Variants in MSRA observed in about 807,000 individuals in gnomAD.
MSRA encodes the protein mitochondrial peptide methionine sulfoxide reductase.
In MSRA, 54 loss-of-function variants were observed where a neutral mutation model predicts 31.3. That is an observed-to-expected ratio of 1.73 (90% CI 1.39 to 2.17). The LOEUF is 2.17. MSRA is among the 30% of genes most tolerant of loss of function. MSRA has a pLI of 0.00. For synonymous variants in MSRA, 169 were observed against 116.5 expected (o/e 1.45, Z -2.90); for missense variants, 507 against 300.9 (o/e 1.69, Z -5.07).
At chr8:10,176,255 C>T (rs986858320) in intron 1 of MSRA, among the ~76,000 whole-genome samples, 10 of 152,212 alleles carry the variant, frequency 6.6e-5, no homozygotes, top group African/African-American at 2.4e-4. Context: ...GTGGAAAAGT[C>T]CTCAAATCTG....
chr8:10,373,302 A>G (rs1051624002), intron 5 of MSRA, among the ~76,000 whole-genome samples: 5 of 152,254 alleles, frequency 3.3e-5, no homozygotes, highest in African/African-American at 1.2e-4. Context: ...CTGAAAGATT[A>G]GGTAAATTGT....
At chr8:10,185,138 C>T (rs557108024) in intron 1 of MSRA, among the ~76,000 whole-genome samples, 1 of 152,204 alleles carries the variant, frequency 6.6e-6, no homozygotes, top group Non-Finnish European at 1.5e-5. Flanking sequence ...CTGCTGATCT[C>T]TCATCTCTGG....
At chr8:10,088,463 G>C (rs1235297606) in intron 1 of MSRA, among the ~76,000 whole-genome samples, 2 of 152,174 alleles carry the variant, frequency 1.3e-5, no homozygotes, top group Non-Finnish European at 2.9e-5. Context: ...GGCCAGGCGT[G>C]GTGGCTCACA....
intron 5 of MSRA, among the ~76,000 whole-genome samples, chr8:10,329,661 T>C (rs923244448): frequency 4.6e-5 from 7 of 152,148 alleles, no homozygotes; most frequent in Non-Finnish European, 1.0e-4. Flanking sequence ...GCCAGTGTCA[T>C]GTGTCCACCC....
At chr8:10,361,022 A>G (rs1484924588) in intron 5 of MSRA, among the ~76,000 whole-genome samples, 1 of 152,198 alleles carries the variant, frequency 6.6e-6, no homozygotes, top group African/African-American at 2.4e-5. Context: ...TCAACCCGAT[A>G]AACAGCCTCA....
intron 2 of MSRA, among the ~76,000 whole-genome samples, chr8:10,238,237 G>A (rs1812118855): frequency 6.6e-6 from 1 of 152,168 alleles, no homozygotes; most frequent in Admixed American, 6.5e-5. Flanking sequence ...GTGCCTCACT[G>A]CCTCCATGGC....
chr8:10,378,624 C>G (rs1173515319), intron 5 of MSRA, among the ~76,000 whole-genome samples: 1 of 152,212 alleles, frequency 6.6e-6, no homozygotes, highest in African/African-American at 2.4e-5. Flanking sequence ...ACATCCCCCT[C>G]AGCAGCTCCG....
chr8:10,357,165 G>A (rs1184725359), intron 5 of MSRA, among the ~76,000 whole-genome samples: 1 of 152,218 alleles, frequency 6.6e-6, no homozygotes, highest in African/African-American at 2.4e-5. Flanking sequence ...CACGTTAACA[G>A]CCAATGATGC....
intron 4 of MSRA, among the ~76,000 whole-genome samples, chr8:10,316,574 C>CTCTCTCTCT (rs1801738833): frequency 7.9e-6 from 1 of 126,978 alleles, no homozygotes. Context: ...CTCTCTCTCT[C>CTCTCTCTCT]CTTCCTCCTC....
intron 1 of MSRA, among the ~76,000 whole-genome samples, chr8:10,192,103 C>T (rs1807560523): frequency 1.3e-5 from 2 of 152,124 alleles, no homozygotes; most frequent in African/African-American, 4.8e-5. Flanking sequence ...AGCTGGTTTC[C>T]CCCACAGCAA....
At chr8:10,172,682 C>T (rs1372051099) in intron 1 of MSRA, among the ~76,000 whole-genome samples, 2 of 152,232 alleles carry the variant, frequency 1.3e-5, no homozygotes, top group East Asian at 3.9e-4. Context: ...TTCTAAGAAT[C>T]TAGGGCCCAA....
At chr8:10,235,723 A>G (rs77197626) in intron 2 of MSRA, among the ~76,000 whole-genome samples, 2,240 of 152,272 alleles carry the variant, frequency 0.015, 61 homozygotes, top group African/African-American at 0.051. Context: ...AGGAAATTTT[A>G]TTGTAACTTC....
chr8:10,211,706 C>T (rs1453122591), intron 2 of MSRA, among the ~76,000 whole-genome samples: 1 of 152,126 alleles, frequency 6.6e-6, no homozygotes, highest in Admixed American at 6.5e-5. Flanking sequence ...GCCGAGGCTT[C>T]CTCAGGTATG....
chr8:10,184,677 C>T (rs1231938484), intron 1 of MSRA, among the ~76,000 whole-genome samples: 1 of 152,174 alleles, frequency 6.6e-6, no homozygotes, highest in Non-Finnish European at 1.5e-5. Context: ...CATTTGTTTT[C>T]ACTGATCTAC....
chr8:10,251,261 T>C (rs1209291126), intron 3 of MSRA, among the ~76,000 whole-genome samples: 1 of 152,142 alleles, frequency 6.6e-6, no homozygotes, highest in Admixed American at 6.5e-5. Context: ...TGGAAGCGCA[T>C]GTCTATGTAT....
intron 1 of MSRA, among the ~76,000 whole-genome samples, chr8:10,087,643 T>C (rs1190653113): frequency 6.6e-6 from 1 of 152,206 alleles, no homozygotes. Context: ...GTTCTTGATA[T>C]GGTTGGGAGA....
intron 5 of MSRA, among the ~76,000 whole-genome samples, chr8:10,334,165 GGTGT>G (rs1170369259): frequency 7.0e-6 from 1 of 143,452 alleles, no homozygotes; most frequent in Non-Finnish European, 1.5e-5. Context: ...AACATATAGG[GGTGT>G]GTGTGTGTGT....
At chr8:10,175,478 G>A (rs955543656) in intron 1 of MSRA, among the ~76,000 whole-genome samples, 1 of 152,164 alleles carries the variant, frequency 6.6e-6, no homozygotes, top group Non-Finnish European at 1.5e-5. Flanking sequence ...ATTGATAACC[G>A]AGATTCCAGA....
chr8:10,391,108 A>C (rs1380611060), intron 5 of MSRA, among the ~76,000 whole-genome samples: 1 of 152,202 alleles, frequency 6.6e-6, no homozygotes, highest in African/African-American at 2.4e-5. Flanking sequence ...TCCCAGACTT[A>C]CTTGTCAATA....
Sources: allele counts gnomAD v4.1 joint callset (sites outside exome capture counted in the v4.1 genomes callset), GRCh38; gene constraint gnomAD v4.1.1; transcripts MANE v1.5; gene names NCBI Gene and HGNC (gene_info 2026-07-23, HGNC 2026-07-21).